Variants in RARB observed in about 807,000 individuals in gnomAD.
RARB encodes the protein HBV-activated protein.
In RARB, 17 loss-of-function variants were observed where a neutral mutation model predicts 51.9. That is an observed-to-expected ratio of 0.33 (90% confidence interval 0.22 to 0.49). The LOEUF is 0.49. RARB is among the 20% of genes least tolerant of loss of function. The probability of loss-of-function intolerance (pLI) is 0.99; values close to 1 mark genes in which losing one functional copy is unlikely to be tolerated. For synonymous variants in RARB, 215 were observed against 195.4 expected (o/e 1.10, Z -0.84); for missense variants, 369 against 550.8 (o/e 0.67, Z 3.30).
chr3:25,273,362 C>A (rs1289476352), intron 5 of RARB, among the ~76,000 whole-genome samples: 1 of 152,118 alleles, frequency 6.6e-6, no homozygotes, highest in African/African-American at 2.4e-5. Context: ...TTACAAGTAA[C>A]CTTTAAAATC....
At chr3:25,267,914 G>A (rs527616791) in intron 5 of RARB, among the ~76,000 whole-genome samples, 1 of 152,292 alleles carries the variant, frequency 6.6e-6, no homozygotes, top group South Asian at 2.1e-4. Context: ...ATGGAAAATT[G>A]GCAAATGTGT....
intron 5 of RARB, among the ~76,000 whole-genome samples, chr3:25,194,408 T>C (rs973983968): frequency 6.6e-6 from 1 of 151,438 alleles, no homozygotes; most frequent in Non-Finnish European, 1.5e-5. Flanking sequence ...CAAAAAGGTA[T>C]CTATGGAAGG....
intron 2 of RARB, among the ~76,000 whole-genome samples, chr3:24,928,245 T>A (rs1688763552): frequency 6.6e-6 from 1 of 151,984 alleles, no homozygotes; most frequent in Non-Finnish European, 1.5e-5. Flanking sequence ...TCACCCCTTA[T>A]AAAAGTATCT....
At chr3:25,185,299 A>G (rs754878178) in intron 5 of RARB, among the ~76,000 whole-genome samples, 50 of 152,224 alleles carry the variant, frequency 3.3e-4, no homozygotes, top group Non-Finnish European at 4.9e-4. Flanking sequence ...ATTTAAGGCT[A>G]TTTTTCATAG....
intron 5 of RARB, among the ~76,000 whole-genome samples, chr3:25,218,823 C>G (rs151020873): frequency 1.3e-5 from 2 of 151,852 alleles, no homozygotes; most frequent in Non-Finnish European, 2.9e-5. Flanking sequence ...GGCCTCAGAG[C>G]TGTAGAGCCA....
intron 3 of RARB, among the ~76,000 whole-genome samples, chr3:25,518,246 A>C (rs1352009750): frequency 6.6e-6 from 1 of 152,166 alleles, no homozygotes; most frequent in African/African-American, 2.4e-5. Flanking sequence ...TGTATGTGCT[A>C]GATGAGGGCT....
At chr3:25,478,931 ATAGT>A (rs1366913907) in intron 2 of RARB, among the ~76,000 whole-genome samples, 1 of 152,144 alleles carries the variant, frequency 6.6e-6, no homozygotes, top group Non-Finnish European at 1.5e-5. Flanking sequence ...GCCTGCCAAA[ATAGT>A]TATTTATTCC....
At chr3:25,407,195 T>C (rs1707433545) in intron 5 of RARB, among the ~76,000 whole-genome samples, 1 of 152,200 alleles carries the variant, frequency 6.6e-6, no homozygotes, top group African/African-American at 2.4e-5. Flanking sequence ...TTTGATATGT[T>C]CCTCAACAGA....
At chr3:25,052,111 C>A (rs1442825821) in intron 2 of RARB, among the ~76,000 whole-genome samples, 1 of 152,172 alleles carries the variant, frequency 6.6e-6, no homozygotes, top group African/African-American at 2.4e-5. Flanking sequence ...ATACCCATTT[C>A]ACTGGCCAAA....
chr3:25,077,730 G>GTATA (rs970673311), intron 3 of RARB, among the ~76,000 whole-genome samples: 2 of 151,492 alleles, frequency 1.3e-5, no homozygotes, highest in African/African-American at 4.8e-5. Flanking sequence ...ATGTGTGTAT[G>GTATA]TATATATATA....
intron 3 of RARB, among the ~76,000 whole-genome samples, chr3:25,536,113 C>T (rs1699130421): frequency 6.6e-6 from 1 of 152,156 alleles, no homozygotes; most frequent in African/African-American, 2.4e-5. Flanking sequence ...CTCTTACCTG[C>T]TATTAATATC....
At chr3:25,386,738 T>C (rs930598031) in intron 5 of RARB, among the ~76,000 whole-genome samples, 2 of 152,196 alleles carry the variant, frequency 1.3e-5, no homozygotes, top group Non-Finnish European at 2.9e-5. Flanking sequence ...GGGGCGATTG[T>C]TTGGCCACTA....
chr3:25,155,293 AC>A lies in RARB; in HGVS notation c.-279-18822del, dbSNP rs562161509. Among the ~76,000 whole-genome samples, 24 of 152,052 alleles carry A rather than the reference AC, an allele frequency of 1.6e-4. No homozygotes were observed. The South Asian group carries it at 4.8e-3, about 30-fold the overall frequency. On this transcript the variant is annotated intron_variant, in intron 4 of 11. Transcript: ENST00000383772. ...TTTAGAACTAATTCTCTTCCCCCTG[AC>A]CCCAGCACACGTAAACTTTATTTGC...
chr3:24,992,748 A>C (rs1449933811), intron 2 of RARB, among the ~76,000 whole-genome samples: 4 of 152,166 alleles, frequency 2.6e-5, no homozygotes, highest in Admixed American at 2.6e-4. Context: ...TTATATGGAC[A>C]CCAGTCAGAT....
chr3:24,869,765 T>C (rs1247153040), intron 2 of RARB, among the ~76,000 whole-genome samples: 1 of 152,206 alleles, frequency 6.6e-6, no homozygotes. Flanking sequence ...TGTATTTCTG[T>C]TTATCCTCTC....
At chr3:25,115,961 T>C (rs988700076) in intron 3 of RARB, among the ~76,000 whole-genome samples, 7 of 152,126 alleles carry the variant, frequency 4.6e-5, no homozygotes, top group Admixed American at 2.6e-4. Context: ...ATAATCTTCA[T>C]TTATCATTAA....
chr3:25,369,296 C>G (rs1706228799), intron 5 of RARB, among the ~76,000 whole-genome samples: 1 of 152,156 alleles, frequency 6.6e-6, no homozygotes, highest in African/African-American at 2.4e-5. Context: ...TAATTCTGCC[C>G]AGAGGAAGCT....
chr3:25,531,738 AAAAG>A (rs1210546385), intron 3 of RARB, among the ~76,000 whole-genome samples: 1 of 151,834 alleles, frequency 6.6e-6, no homozygotes, highest in Non-Finnish European at 1.5e-5. Context: ...AAAAAAAAAA[AAAAG>A]CAGATACCAC....
chr3:25,096,774 G>C (rs1183155436), intron 3 of RARB, among the ~76,000 whole-genome samples: 1 of 152,110 alleles, frequency 6.6e-6, no homozygotes, highest in Admixed American at 6.6e-5. Flanking sequence ...TCATCTGTCA[G>C]TTGAGGCTCC....
Sources: gnomAD v4.1 joint callset for allele counts (sites outside exome capture counted in the v4.1 genomes callset) on GRCh38, gnomAD v4.1.1 for gene constraint, MANE v1.5 for transcripts, NCBI Gene and HGNC (gene_info 2026-07-23, HGNC 2026-07-21) for gene names.